The following PIWIL1 variants were observed in gnomAD, a reference collection of about 807,000 sequenced individuals.
PIWIL1 encodes the protein piwi like RNA-mediated gene silencing 1.
PIWIL1 carries 73 observed loss-of-function variants against 114.4 expected under a neutral mutation model. The observed-to-expected ratio is 0.64, with a 90% CI of 0.53 to 0.78. The LOEUF is 0.78. Among genes scored for constraint, PIWIL1 ranks in the 30% least tolerant of loss-of-function variants. The probability of loss-of-function intolerance (pLI) is 0.00; values close to 1 mark genes in which losing one functional copy is unlikely to be tolerated. For missense variants in PIWIL1, 723 were observed against 1,063.1 expected (o/e 0.68, Z 4.45); for synonymous variants, 375 against 369.0 (o/e 1.02, Z -0.19).
At chr12:130,339,991 G>A (rs2072858678) in intron 1 of PIWIL1, among the ~76,000 whole-genome samples, 1 of 152,210 alleles carries the variant, frequency 6.6e-6, no homozygotes, top group African/African-American at 2.4e-5. Flanking sequence ...CGACGGACTG[G>A]GTGCAAAGGC....
At chr12:130,351,563 G>C (rs576480361) in intron 9 of PIWIL1, 2 of 152,216 alleles carry the variant, frequency 1.3e-5, no homozygotes, top group Non-Finnish European at 2.9e-5. Context: ...CGGTGCTCTT[G>C]GTCAATGCAG....
chr12:130,387,612 C>T, the PIWIL1 span, among the ~76,000 whole-genome samples: 1 of 129,570 alleles, frequency 7.7e-6, no homozygotes, highest in African/African-American at 3.1e-5. Flanking sequence ...CCCATGCACA[C>T]TACCCCTTCC....
rs764355916 is a variant in PIWIL1, at chr12:130,347,018, T to A, written c.609T>A (p.Pro203=). The A allele has an allele frequency of 1.9e-6, 3 of 1,613,732 alleles. No individual in the cohort carries two copies. Among genetic ancestry groups the A allele is most frequent in the Non-Finnish European group, 2.5e-6 (3 of 1,179,708 alleles). The change falls in exon 6 of 21, where the codon CCT becomes CCA. Residue 203 remains proline (P), a synonymous_variant. Coordinates refer to ENST00000245255, the MANE Select transcript of PIWIL1 (RefSeq NM_004764.5). ...ITITLTNELP[P]TSPTCLQFYN... Reference sequence around the variant, plus strand: ...TCACTTTAACAAATGAACTTCCACCTACATCACCAACTTGTTTGCAGTTCT... The same window carrying A: ...TCACTTTAACAAATGAACTTCCACCAACATCACCAACTTGTTTGCAGTTCT...
downstream of PIWIL1, among the ~76,000 whole-genome samples, chr12:130,375,999 C>G (rs1030968965): frequency 6.6e-6 from 1 of 152,178 alleles, no homozygotes; most frequent in Non-Finnish European, 1.5e-5. Context: ...CCTAAATGTG[C>G]CTTCAGACTC....
In PIWIL1 at chr12:130,349,221, C is replaced by T; in HGVS notation, c.735-18C>T. On this transcript the variant is annotated intron_variant, in intron 7 of 20. Coordinates refer to ENST00000245255, the MANE Select transcript of PIWIL1 (RefSeq NM_004764.5). ...TGAATGTGGAGAGGTTCTTCATGAC[C>T]CCCATCTCGTCTGACAGGTTGGTGA... 6.2e-7 allele frequency: 1 copy of T among 1,602,272 alleles called. No homozygotes were observed. The highest frequency in any genetic ancestry group is 1.3e-5 in the African/African-American group (1 of 74,804).
exon 21 of PIWIL1, chr12:130,372,597 C>CA (rs60262232): frequency 4.4e-5 from 3 of 67,880 alleles, no homozygotes; most frequent in African/African-American, 2.1e-4. Flanking sequence ...GACTCCGTCT[C>CA]AAAAAAAAAA....
chr12:130,401,871 T>A, the PIWIL1 span, among the ~76,000 whole-genome samples: 1 of 152,148 alleles, frequency 6.6e-6, no homozygotes, highest in Non-Finnish European at 1.5e-5. Context: ...TTGGGGAGTG[T>A]GTTCTGTGAA....
chr12:130,381,394 C>T, the PIWIL1 span, among the ~76,000 whole-genome samples: 1 of 152,182 alleles, frequency 6.6e-6, no homozygotes, highest in Non-Finnish European at 1.5e-5. Flanking sequence ...TTTGCCTTTT[C>T]CAGATGTCAT....
chr12:130,361,897 A>C (rs1324509419), intron 16 of PIWIL1, among the ~76,000 whole-genome samples: 3 of 152,186 alleles, frequency 2.0e-5, no homozygotes, highest in African/African-American at 7.2e-5. Context: ...ACTGAAATGT[A>C]GTTTCACATT....
At position 130,355,607 on chromosome 12, in the gene PIWIL1, C is replaced by T; in HGVS notation, c.1344C>T (p.Asn448=). The change falls in exon 12 of 21, where the codon AAC becomes AAT. Residue 448 remains asparagine (N), a synonymous_variant. Transcript: ENST00000245255. ...LRDWGLSFDS[N]LLSFSGRILQ... ...ACTGGGGTTTGAGCTTTGATTCCAA[C>T]TTACTGTCCTTCTCAGGAAGAATTT... is the stretch of plus-strand genomic sequence containing the variant. The T allele has an allele frequency of 6.2e-7, 1 of 1,614,164 alleles. No individual in the cohort carries two copies. The highest frequency in any genetic ancestry group is 8.5e-7 in the Non-Finnish European group (1 of 1,179,988).
chr12:130,417,505 A>G, the PIWIL1 span, among the ~76,000 whole-genome samples: 1 of 152,228 alleles, frequency 6.6e-6, no homozygotes. Context: ...ACTCTCACTT[A>G]TAAGTGGGAG....
chr12:130,339,866 A>T (rs1462764988), intron 1 of PIWIL1, among the ~76,000 whole-genome samples: 2 of 152,164 alleles, frequency 1.3e-5, no homozygotes, highest in Non-Finnish European at 2.9e-5. Context: ...CCCGTCAGGG[A>T]CCAGGCTTTG....
chr12:130,393,271 C>T, the PIWIL1 span, among the ~76,000 whole-genome samples: 6 of 147,542 alleles, frequency 4.1e-5, no homozygotes, highest in Non-Finnish European at 4.5e-5. Flanking sequence ...GACCCGGTCA[C>T]CGTCATCACA....
At chr12:130,353,849 C>A (rs2073287741) in intron 9 of PIWIL1, among the ~76,000 whole-genome samples, 1 of 151,790 alleles carries the variant, frequency 6.6e-6, no homozygotes, top group Admixed American at 6.6e-5. Flanking sequence ...TCACCTGAAC[C>A]CGGGAGGCGG....
the PIWIL1 span, chr12:130,407,588 C>T: frequency 1.6e-5 from 12 of 769,354 alleles, no homozygotes; most frequent in African/African-American, 8.5e-5. Context: ...AGCCATCCCT[C>T]GGATCGGCAG....
intron 6 of PIWIL1, among the ~76,000 whole-genome samples, chr12:130,347,525 A>C (rs1268207268): frequency 2.0e-5 from 3 of 152,238 alleles, no homozygotes; most frequent in African/African-American, 7.2e-5. Flanking sequence ...GATGAGAAAC[A>C]ATCTGGATAA....
intron 8 of PIWIL1, 118 bp downstream of exon 8, chr12:130,349,554 A>C (rs1174698760): frequency 4.3e-6 from 3 of 704,832 alleles, no homozygotes; most frequent in Non-Finnish European, 7.1e-6. Context: ...AGCACAAAAC[A>C]AGGGTGAGGG....
In PIWIL1 at chr12:130,348,030, A is replaced by T; in HGVS notation, c.654-73A>T. 18 of 1,044,226 alleles carry T rather than the reference A, an allele frequency of 1.7e-5. No individual in the cohort carries two copies. In the South Asian group the frequency reaches 2.3e-4, roughly 13 times the overall value. The allele number at this position is 1,044,226 out of a possible 1,614,324, so 64.7% of individuals were successfully genotyped here. ...ACCACAATTTGCCAACCCCTGCTCT[A>T]AACGACATGCTGTTCTGATTGTCGT... On this transcript the variant is annotated intron_variant, in intron 6 of 20. Transcript: ENST00000245255.
downstream of PIWIL1, among the ~76,000 whole-genome samples, chr12:130,377,131 C>T (rs2073873077): frequency 6.6e-6 from 1 of 152,230 alleles, no homozygotes; most frequent in African/African-American, 2.4e-5. Context: ...CTTACCTTTT[C>T]TCTTACTCAT....
Sources: allele counts gnomAD v4.1 joint callset (sites outside exome capture counted in the v4.1 genomes callset), GRCh38; gene constraint gnomAD v4.1.1; transcripts MANE v1.5; gene names NCBI Gene and HGNC (gene_info 2026-07-23, HGNC 2026-07-21).